Variants in EPC2 observed in about 807,000 individuals in gnomAD.
EPC2 encodes the protein enhancer of polycomb 2.
A neutral mutation model predicts 92.1 loss-of-function variants in EPC2; 14 were observed. The observed-to-expected ratio is 0.15, with a 90% CI of 0.10 to 0.24. EPC2 has a LOEUF of 0.24. Ranked by LOEUF, EPC2 falls within the 10% of genes least tolerant of loss-of-function variation. EPC2 has a pLI of 1.00. For synonymous variants in EPC2, 340 were observed against 334.7 expected, an observed-to-expected ratio of 1.02 and a Z score of -0.17; for missense variants, 755 against 971.5, an observed-to-expected ratio of 0.78 and a Z score of 2.96.
intron 1 of EPC2, among the ~76,000 whole-genome samples, chr2:148,685,585 AC>A (rs1296841472): frequency 6.6e-6 from 1 of 152,076 alleles, no homozygotes; most frequent in African/African-American, 2.4e-5. Context: ...ACGGTGAAAC[AC>A]CGTCTCTACT....
chr2:148,699,412 C>T (rs980639512), intron 2 of EPC2, among the ~76,000 whole-genome samples: 1 of 152,180 alleles, frequency 6.6e-6, no homozygotes, highest in Non-Finnish European at 1.5e-5. Context: ...AGTTTCATCA[C>T]TCTAAAAACT....
rs187417827 is a variant in EPC2, at chr2:148,687,624, A to G, written c.154-2590A>G. On this transcript the variant is annotated intron_variant, in intron 1 of 13. Coordinates refer to ENST00000258484, the MANE Select transcript of EPC2 (RefSeq NM_015630.4). ...ACAAAATGCCAAAGAGATGCTGACT[A>G]TGATGTAGTATAGATGATTATTTGG... 3.4e-4 allele frequency among the ~76,000 whole-genome samples: 52 copies of G among 152,324 alleles called. No individual in the cohort carries two copies. The East Asian group carries it at 7.3e-3, about 21-fold the overall frequency.
intron 4 of EPC2, among the ~76,000 whole-genome samples, chr2:148,758,528 T>G (rs1048792013): frequency 9.9e-5 from 15 of 152,104 alleles, no homozygotes; most frequent in African/African-American, 3.6e-4. Context: ...CCCAAATAGC[T>G]GGGACTACAG....
At chr2:148,654,310 A>G (rs1457544234) in intron 1 of EPC2, among the ~76,000 whole-genome samples, 2 of 152,136 alleles carry the variant, frequency 1.3e-5, no homozygotes, top group Non-Finnish European at 2.9e-5. Flanking sequence ...TTTTTTTGGT[A>G]ACAATTTTCA....
intron 1 of EPC2, among the ~76,000 whole-genome samples, chr2:148,672,885 C>T (rs898492755): frequency 6.6e-6 from 1 of 152,104 alleles, no homozygotes; most frequent in Admixed American, 6.6e-5. Context: ...GGGTCAGTAG[C>T]GATGAACTCC....
At chr2:148,670,408 T>C (rs1343816235) in intron 1 of EPC2, among the ~76,000 whole-genome samples, 2 of 152,098 alleles carry the variant, frequency 1.3e-5, no homozygotes, top group African/African-American at 2.4e-5. Flanking sequence ...TTGAAAGTAT[T>C]CAAGTAAGTG....
chr2:148,724,423 C>CT (rs1682451353), intron 2 of EPC2, among the ~76,000 whole-genome samples: 2 of 152,040 alleles, frequency 1.3e-5, no homozygotes, highest in South Asian at 4.1e-4. Context: ...CTGTAGAACA[C>CT]TAAGACTTAT....
chr2:148,654,149 A>G (rs1680741958), intron 1 of EPC2, among the ~76,000 whole-genome samples: 1 of 152,016 alleles, frequency 6.6e-6, no homozygotes, highest in Non-Finnish European at 1.5e-5. Flanking sequence ...GGGTTTCACC[A>G]TCTTGGCCAG....
chr2:148,730,149 G>A (rs1283826714), intron 2 of EPC2, among the ~76,000 whole-genome samples: 1 of 152,122 alleles, frequency 6.6e-6, no homozygotes, highest in Non-Finnish European at 1.5e-5. Flanking sequence ...CATATGATCT[G>A]CAGCCAAGTT....
chr2:148,785,941 C>G (rs1288529183), intron 13 of EPC2, among the ~76,000 whole-genome samples: 1 of 151,866 alleles, frequency 6.6e-6, no homozygotes, highest in Non-Finnish European at 1.5e-5. Context: ...ATATTGTGCT[C>G]CTAATGATTA....
At chr2:148,667,277 G>T (rs1303999370) in intron 1 of EPC2, among the ~76,000 whole-genome samples, 1 of 152,182 alleles carries the variant, frequency 6.6e-6, no homozygotes, top group South Asian at 2.1e-4. Flanking sequence ...AACTGAGTCA[G>T]ACAGCCCCAA....
chr2:148,742,796 A>AG (rs1235475049), intron 2 of EPC2, among the ~76,000 whole-genome samples: 2 of 151,836 alleles, frequency 1.3e-5, no homozygotes, highest in Non-Finnish European at 2.9e-5. Context: ...AAAAAAAAAA[A>AG]AAAAGAAAAA....
chr2:148,678,492 T>C (rs1558806582), intron 1 of EPC2, among the ~76,000 whole-genome samples: 1 of 152,174 alleles, frequency 6.6e-6, no homozygotes, highest in Non-Finnish European at 1.5e-5. Flanking sequence ...CAGGAGCCCA[T>C]GGAGGGAGTG....
chr2:148,657,884 TTG>T (rs35739873), intron 1 of EPC2, among the ~76,000 whole-genome samples: 448 of 149,162 alleles, frequency 3.0e-3, no homozygotes, highest in Non-Finnish European at 4.9e-3. Flanking sequence ...ATCACTCATT[TTG>T]TGTGTGTGTG....
chr2:148,775,088 C>CA (rs67806541), intron 10 of EPC2, among the ~76,000 whole-genome samples: 105 of 120,844 alleles, frequency 8.7e-4, no homozygotes, highest in African/African-American at 3.0e-3. Flanking sequence ...GACTCCCTCT[C>CA]AAAAAAAAAA....
intron 2 of EPC2, among the ~76,000 whole-genome samples, chr2:148,691,103 C>T (rs185752939): frequency 6.6e-6 from 1 of 152,210 alleles, no homozygotes; most frequent in East Asian, 1.9e-4. Flanking sequence ...AATACTCTTA[C>T]TTTTCTCCCA....
chr2:148,728,771 G>A (rs1394924354), intron 2 of EPC2, among the ~76,000 whole-genome samples: 28 of 149,710 alleles, frequency 1.9e-4, no homozygotes, highest in Admixed American at 1.8e-3. Context: ...GGTAGCTCAC[G>A]CCTGTAATCC....
chr2:148,670,377 A>T (rs1681132853), intron 1 of EPC2, among the ~76,000 whole-genome samples: 1 of 151,920 alleles, frequency 6.6e-6, no homozygotes, highest in Non-Finnish European at 1.5e-5. Context: ...GAGACAATTC[A>T]TATAATGTAA....
chr2:148,669,033 C>G (rs1039503986), intron 1 of EPC2, among the ~76,000 whole-genome samples: 2 of 152,052 alleles, frequency 1.3e-5, no homozygotes, highest in African/African-American at 4.8e-5. Context: ...TTTATTACAT[C>G]TTACATCCTG....
Sources: allele counts gnomAD v4.1 joint callset (sites outside exome capture counted in the v4.1 genomes callset), GRCh38; gene constraint gnomAD v4.1.1; transcripts MANE v1.5; gene names NCBI Gene and HGNC (gene_info 2026-07-23, HGNC 2026-07-21).